The following KLHL4 variants were observed in gnomAD, a reference collection of about 807,000 sequenced individuals.
KLHL4 encodes the protein kelch-like protein 4.
KLHL4 carries 17 observed loss-of-function variants against 45.8 expected under a neutral mutation model. That is an observed-to-expected ratio of 0.37 (90% CI 0.25 to 0.56). The LOEUF (loss-of-function observed/expected upper bound fraction) is 0.56, where lower values mean the gene tolerates loss of function less well. KLHL4 is among the 20% of genes least tolerant of loss of function. The probability of loss-of-function intolerance (pLI) is 0.79; values close to 1 mark genes in which losing one functional copy is unlikely to be tolerated. For missense variants in KLHL4, 544 were observed against 544.9 expected (o/e 1.00, Z 0.02); for synonymous variants, 224 against 189.9 (o/e 1.18, Z -1.47).
chrX:87,535,654 C>G (rs1418237697), intron 1 of KLHL4, among the ~76,000 whole-genome samples: 1 of 110,665 alleles, frequency 9.0e-6, no homozygotes, highest in Non-Finnish European at 1.9e-5. Context: ...TTCATCCGGT[C>G]TTTCAGCTTC....
intron 6 of KLHL4, among the ~76,000 whole-genome samples, chrX:87,627,621 C>G (rs768457286): frequency 2.7e-5 from 3 of 111,324 alleles, no homozygotes; most frequent in African/African-American, 9.8e-5. Context: ...GCAATGAGAT[C>G]CTATAATTAA....
intron 1 of KLHL4, among the ~76,000 whole-genome samples, chrX:87,523,755 G>C (rs1931050613): frequency 9.0e-6 from 1 of 111,068 alleles, no homozygotes; most frequent in Non-Finnish European, 1.9e-5. Flanking sequence ...TTGAGGTCAG[G>C]AGTTCGAGAC....
At chrX:87,568,917 C>T (rs1308355897) in intron 1 of KLHL4, among the ~76,000 whole-genome samples, 1 of 111,503 alleles carries the variant, frequency 9.0e-6, no homozygotes, top group African/African-American at 3.3e-5. Flanking sequence ...CTTTGGATTT[C>T]ACATTTTTAA....
At chrX:87,614,373 T>A in intron 2 of KLHL4, 61 bp from the exon 3 acceptor site, 1 of 1,086,438 alleles carries the variant, frequency 9.2e-7, no homozygotes, top group South Asian at 1.9e-5. Flanking sequence ...TGAATCCATT[T>A]CATGCTTTTC....
chrX:87,664,863 T>G lies in KLHL4; in HGVS notation c.2025T>G (p.Val675=), dbSNP rs191787575. Residue 675 remains valine (V), a synonymous_variant, in exon 10 of 11, where the codon GTT becomes GTG. Transcript: ENST00000373119. The part of the protein sequence containing the change: ...VCPLGDKLYV[V]GGYDGHTYLN... Reference sequence around the variant, plus strand: ...CTCTTGGAGACAAACTCTACGTGGTTGGAGGATATGACGGACATACTTATT... The same window carrying G: ...CTCTTGGAGACAAACTCTACGTGGTGGGAGGATATGACGGACATACTTATT... 1 of 1,198,071 alleles carries G rather than the reference T, an allele frequency of 8.3e-7. No homozygotes were observed. The highest frequency in any genetic ancestry group is 3.0e-5 in the East Asian group (1 of 33,673).
rs1923118470 is a variant in KLHL4, at chrX:87,632,242, A to G, written c.1357A>G (p.Thr453Ala). The G allele has an allele frequency of 1.7e-6, 2 of 1,200,398 alleles. No individual in the cohort carries two copies. Among genetic ancestry groups the G allele is most frequent in the South Asian group, 1.8e-5 (1 of 56,539 alleles). The change falls in exon 7 of 11, where the codon ACC becomes GCC. Residue 453 changes from threonine to alanine, a missense_variant. Thr to Ala is a moderately conservative substitution (Grantham distance 58). Coordinates refer to ENST00000373119, the MANE Select transcript of KLHL4 (RefSeq NM_019117.5). Reference sequence around the variant, plus strand: ...TACTATTGAAAAATATGACCTCAGGACCAACAGTTGGCTACATATTGGCAC... The same window carrying G: ...TACTATTGAAAAATATGACCTCAGGGCCAACAGTTGGCTACATATTGGCAC... ...TTTIEKYDLR[T>A]NSWLHIGTMN...
chrX:87,626,968 G>A (rs2147820940), intron 6 of KLHL4, among the ~76,000 whole-genome samples: 1 of 112,097 alleles, frequency 8.9e-6, no homozygotes, highest in East Asian at 2.8e-4. Context: ...TCCATTTGTA[G>A]AAGGAATGTG....
chrX:87,585,657 C>G (rs1268285703), intron 1 of KLHL4, among the ~76,000 whole-genome samples: 1 of 110,285 alleles, frequency 9.1e-6, no homozygotes, highest in African/African-American at 3.3e-5. Flanking sequence ...AATTATATCA[C>G]CAGAAAAATT....
intron 1 of KLHL4, among the ~76,000 whole-genome samples, chrX:87,574,115 G>A (rs1035598798): frequency 1.8e-5 from 2 of 111,459 alleles, no homozygotes; most frequent in Non-Finnish European, 3.8e-5. Flanking sequence ...TGTAATAGTA[G>A]GTAGCCTATG....
At chrX:87,647,877 C>T (rs1480955387) in intron 9 of KLHL4, among the ~76,000 whole-genome samples, 1 of 110,918 alleles carries the variant, frequency 9.0e-6, no homozygotes, top group East Asian at 2.8e-4. Context: ...ATAGCATTAA[C>T]AACATAAAAA....
chrX:87,618,074 T>C lies in KLHL4; in HGVS notation c.870T>C (p.Phe290=). 17 of 1,211,197 alleles carry C rather than the reference T, an allele frequency of 1.4e-5. No homozygotes were observed. The highest frequency in any genetic ancestry group is 1.9e-5 in the Non-Finnish European group (17 of 895,131). Residue 290 remains phenylalanine (F), a synonymous_variant, in exon 4 of 11, where the codon TTT becomes TTC. Coordinates refer to ENST00000373119, the MANE Select transcript of KLHL4 (RefSeq NM_019117.5). ...CAAACTGCTTAGGGATTCGATCATT[T>C]GGAGATGCCCAAGGCTGTACAGAAC... ...HPSNCLGIRS[F]GDAQGCTELL...
intron 1 of KLHL4, among the ~76,000 whole-genome samples, chrX:87,596,862 A>G (rs1921857075): frequency 8.9e-6 from 1 of 112,655 alleles, no homozygotes; most frequent in African/African-American, 3.2e-5. Context: ...GCCAGGCGTT[A>G]TAAACATCCA....
chrX:87,645,631 C>T (rs1217882293), intron 9 of KLHL4, among the ~76,000 whole-genome samples: 2 of 111,503 alleles, frequency 1.8e-5, no homozygotes, highest in Non-Finnish European at 3.8e-5. Flanking sequence ...TTCACACTTG[C>T]AAAACTGTGG....
In KLHL4 at chrX:87,668,650, C is replaced by T. The variant is rs1029448066; in HGVS notation, c.*2116C>T. 1.3e-5 allele frequency: 2 copies of T among 151,411 alleles called. No individual in the cohort carries two copies. The highest frequency in any genetic ancestry group is 3.2e-5 in the African/African-American group (1 of 31,006). 12.5% of individuals were successfully genotyped at this position (151,411 alleles called of 1,213,427 possible). ...GCCCTCCTGAATGGATTAATCCATT[C>T]ATGGATTAATGGATTATTATGAGTG... On this transcript the variant is annotated 3_prime_UTR_variant, in exon 11 of 11. Coordinates refer to ENST00000373119, the MANE Select transcript of KLHL4 (RefSeq NM_019117.5).
intron 1 of KLHL4, among the ~76,000 whole-genome samples, chrX:87,590,176 G>A (rs757878351): frequency 1.8e-5 from 2 of 111,065 alleles, no homozygotes; most frequent in South Asian, 3.8e-4. Flanking sequence ...ATGCTTGAGG[G>A]AATGGACACC....
At chrX:87,548,229 A>G (rs72634503) in intron 1 of KLHL4, among the ~76,000 whole-genome samples, 1 of 111,008 alleles carries the variant, frequency 9.0e-6, no homozygotes, top group East Asian at 2.9e-4. Flanking sequence ...TGACTGAAAA[A>G]ACTTTTACCC....
intron 1 of KLHL4, among the ~76,000 whole-genome samples, chrX:87,609,433 C>A (rs779632775): frequency 1.8e-5 from 2 of 111,538 alleles, no homozygotes; most frequent in African/African-American, 3.3e-5. Context: ...TGTTCCCTGA[C>A]TTTTTAATGA....
chrX:87,525,972 A>G (rs1185820170), intron 1 of KLHL4, among the ~76,000 whole-genome samples: 1 of 111,398 alleles, frequency 9.0e-6, no homozygotes, highest in Non-Finnish European at 1.9e-5. Flanking sequence ...ATCAGCAGCC[A>G]TACTAAATAC....
At chrX:87,565,859 T>C (rs1932199913) in intron 1 of KLHL4, among the ~76,000 whole-genome samples, 1 of 109,285 alleles carries the variant, frequency 9.2e-6, no homozygotes, top group Non-Finnish European at 1.9e-5. Context: ...ACACACTGCC[T>C]CTAGAAAAAA....
Sources: gnomAD v4.1 joint callset for allele counts (sites outside exome capture counted in the v4.1 genomes callset) on GRCh38, gnomAD v4.1.1 for gene constraint, MANE v1.5 for transcripts, NCBI Gene and HGNC (gene_info 2026-07-23, HGNC 2026-07-21) for gene names.